Variants in TARS3 observed in about 807,000 individuals in gnomAD.
TARS3 encodes the protein threonyl-tRNA synthetase 3.
TARS3 carries 94 observed loss-of-function variants against 103.5 expected under a neutral mutation model. The observed-to-expected ratio is 0.91, with a 90% CI of 0.77 to 1.08. The LOEUF is 1.08. Among genes scored for constraint, TARS3 ranks in the 50% least tolerant of loss-of-function variants. TARS3 has a pLI of 0.00. For synonymous variants in TARS3, 416 were observed against 355.4 expected (o/e 1.17, Z -1.92); for missense variants, 952 against 995.2 (o/e 0.96, Z 0.58).
intron 10 of TARS3, among the ~76,000 whole-genome samples, chr15:101,687,694 G>A (rs984544749): frequency 2.0e-5 from 3 of 152,282 alleles, no homozygotes; most frequent in South Asian, 2.1e-4. Context: ...TCCCTGCAAT[G>A]GACTGAATGT....
chr15:101,678,876 T>C (rs1176664928), intron 12 of TARS3, among the ~76,000 whole-genome samples: 1 of 152,212 alleles, frequency 6.6e-6, no homozygotes, highest in Non-Finnish European at 1.5e-5. Flanking sequence ...TTCCCCTCAA[T>C]TGCTGAAGGG....
chr15:101,661,632 T>C (rs1897381233), intron 16 of TARS3, 80 bp downstream of exon 16: 2 of 921,052 alleles, frequency 2.2e-6, no homozygotes, highest in Non-Finnish European at 3.1e-6. Context: ...TAGAAATATT[T>C]TTAAAAAGGA....
At chr15:101,691,344 A>G (rs1431725379) in intron 10 of TARS3, among the ~76,000 whole-genome samples, 3 of 151,218 alleles carry the variant, frequency 2.0e-5, no homozygotes, top group African/African-American at 7.3e-5. Context: ...CAGTGGCACA[A>G]TCTTGGCTCA....
chr15:101,717,937 G>A (rs1175840709), intron 3 of TARS3, among the ~76,000 whole-genome samples: 1 of 152,194 alleles, frequency 6.6e-6, no homozygotes, highest in Admixed American at 6.5e-5. Flanking sequence ...TTAACAGACT[G>A]GCAGTGAGTA....
chr15:101,685,556 C>T (rs1301266444), intron 11 of TARS3, among the ~76,000 whole-genome samples: 3 of 152,068 alleles, frequency 2.0e-5, no homozygotes, highest in Non-Finnish European at 4.4e-5. Context: ...TCCACCCAAA[C>T]AGTATGAAAG....
In TARS3 at chr15:101,708,881, A is replaced by C; in HGVS notation, c.842T>G (p.Leu281Arg). The C allele has an allele frequency of 6.2e-7, 1 of 1,608,946 alleles. No individual in the cohort carries two copies. The highest frequency in any genetic ancestry group is 1.7e-5 in the Admixed American group (1 of 58,982). ...TATGATGGCTTTACATATATTCTCCAGGGCTGACAATTCTGTGCTGGACAC... is the reference window on the plus strand; with the variant it reads ...TATGATGGCTTTACATATATTCTCCCGGGCTGACAATTCTGTGCTGGACAC... ...RAVSSTELSA[L>R]ENICKAIIKE... Residue 281 changes from leucine (L) to arginine (R), a missense_variant, in exon 6 of 19, where the codon CTG (leucine) becomes CGG (arginine). By Grantham distance (102) the Leu-to-Arg change is moderately radical. Around this residue, in one of 2 missense-constraint regions of TARS3, gnomAD observed 412 missense variants for 364.2 expected, o/e 1.13. Coordinates refer to ENST00000335968, the MANE Select transcript of TARS3 (RefSeq NM_152334.3).
intron 10 of TARS3, among the ~76,000 whole-genome samples, chr15:101,686,413 T>A (rs1191194342): frequency 6.6e-6 from 1 of 152,122 alleles, no homozygotes; most frequent in Non-Finnish European, 1.5e-5. Context: ...GCAGAAAAAA[T>A]TTATAATTTA....
chr15:101,670,504 C>T (rs935637962), intron 15 of TARS3, among the ~76,000 whole-genome samples: 1 of 152,178 alleles, frequency 6.6e-6, no homozygotes, highest in Non-Finnish European at 1.5e-5. Flanking sequence ...ACTTAACAAA[C>T]AAAACCTGAC....
chr15:101,716,434 T>TA (rs1900163349), intron 3 of TARS3, among the ~76,000 whole-genome samples: 1 of 152,064 alleles, frequency 6.6e-6, no homozygotes. Context: ...CATATTAATA[T>TA]ATAGGAATAA....
At chr15:101,718,647 C>A (rs1304624959) in intron 3 of TARS3, among the ~76,000 whole-genome samples, 1 of 152,120 alleles carries the variant, frequency 6.6e-6, no homozygotes, top group East Asian at 1.9e-4. Context: ...GATTAGAGAG[C>A]AAGAGTGCCT....
intron 10 of TARS3, among the ~76,000 whole-genome samples, chr15:101,695,194 G>A (rs893501466): frequency 5.3e-5 from 8 of 152,120 alleles, no homozygotes; most frequent in East Asian, 1.9e-4. Context: ...ATACAGTCAT[G>A]CGACTTCTGC....
chr15:101,722,942 T>C, intron 2 of TARS3, 151 bp downstream of exon 2: 2 of 690,938 alleles, frequency 2.9e-6, no homozygotes, highest in South Asian at 3.5e-5. Flanking sequence ...AGACATCTCA[T>C]ATTTAAGGCT....
Position 101,661,908 on chromosome 15 carries a change from T to G in TARS3, c.1968-92A>C, listed in dbSNP as rs28542757. 1.7e-3 allele frequency: 1,210 copies of G among 730,618 alleles called. 8 individuals are homozygous for G. In the African/African-American group the frequency reaches 0.02, roughly 12 times the overall value. 45.3% of individuals were successfully genotyped at this position (730,618 alleles called of 1,614,324 possible). ...TTTAATTTTGAGAATAGATTTAGAT[T>G]AGTGATATCAGATCTCTCCATTAAC... On this transcript the variant is annotated intron_variant, in intron 15 of 18. Transcript: ENST00000335968.
At chr15:101,676,950 C>T (rs1898051958) in intron 12 of TARS3, among the ~76,000 whole-genome samples, 1 of 152,138 alleles carries the variant, frequency 6.6e-6, no homozygotes, top group Admixed American at 6.5e-5. Flanking sequence ...TATCCTGATG[C>T]TCTCCCTCCC....
chr15:101,680,776 T>C (rs1187512158), intron 12 of TARS3, among the ~76,000 whole-genome samples: 1 of 152,218 alleles, frequency 6.6e-6, no homozygotes, highest in East Asian at 1.9e-4. Flanking sequence ...ATGATCAGTA[T>C]TTTTTGAAGA....
At chr15:101,718,482 T>C (rs1170234000) in intron 3 of TARS3, among the ~76,000 whole-genome samples, 1 of 152,126 alleles carries the variant, frequency 6.6e-6, no homozygotes, top group Non-Finnish European at 1.5e-5. Flanking sequence ...TCTGCCCGTG[T>C]CCTGTAATTC....
At chr15:101,695,677 C>A (rs1335024482) in intron 10 of TARS3, 2 of 151,530 alleles carry the variant, frequency 1.3e-5, no homozygotes, top group African/African-American at 4.9e-5. Flanking sequence ...CTGAGGCGGG[C>A]AAATCACCTG....
At chr15:101,701,436 G>C (rs1032464626) in intron 9 of TARS3, among the ~76,000 whole-genome samples, 2 of 152,296 alleles carry the variant, frequency 1.3e-5, no homozygotes, top group Non-Finnish European at 2.9e-5. Context: ...GGCACACTTG[G>C]AGTACGGCAC....
chr15:101,695,095 A>AT (rs1267031519), intron 10 of TARS3, among the ~76,000 whole-genome samples: 2 of 152,314 alleles, frequency 1.3e-5, no homozygotes, highest in Admixed American at 1.3e-4. Flanking sequence ...TATTATGTGT[A>AT]TTTTACCACA....
Sources: allele counts gnomAD v4.1 joint callset (sites outside exome capture counted in the v4.1 genomes callset), GRCh38; gene constraint gnomAD v4.1.1; regional missense constraint gnomAD v4.1.1; transcripts MANE v1.5; gene names NCBI Gene and HGNC (gene_info 2026-07-23, HGNC 2026-07-21).